XIRP2: variants seen among roughly 807,000 people sequenced by gnomAD.
The protein encoded by XIRP2 is xin actin-binding repeat-containing protein 2.
XIRP2 carries 236 observed loss-of-function variants against 277.0 expected under a neutral mutation model. The ratio of observed to expected loss-of-function variants is 0.85; its 90% CI spans 0.77 to 0.95. The LOEUF is 0.95. XIRP2 is among the 40% of genes least tolerant of loss of function. The probability of loss-of-function intolerance (pLI) is 0.00; values close to 1 mark genes in which losing one functional copy is unlikely to be tolerated. For synonymous variants in XIRP2, 1,490 were observed against 1,416.5 expected, an observed-to-expected ratio of 1.05 and a Z score of -1.17; for missense variants, 4,640 against 4,157.5, an observed-to-expected ratio of 1.12 and a Z score of -3.19.
At chr2:167,184,554 C>G (rs796836203) in intron 3 of XIRP2, 1 of 717,216 alleles carries the variant, frequency 1.4e-6, no homozygotes, top group Admixed American at 2.0e-5. Context: ...GTGTTCTCCA[C>G]GGACCAAGCC....
Position 167,249,114 on chromosome 2 carries a change from A to G in XIRP2, c.7722A>G (p.Gln2574=). The G allele has an allele frequency of 1.2e-6, 2 of 1,613,822 alleles. No homozygotes were observed. The highest frequency in any genetic ancestry group is 1.7e-6 in the Non-Finnish European group (2 of 1,179,822). Residue 2574 remains glutamine, a synonymous_variant, in exon 9 of 11, where the codon CAA becomes CAG. Transcript: ENST00000409195. ...CTTACTACAACATTGTTAAAACTCA[A>G]AGCCAAAATCAACACATAACAGAGG... The part of the protein sequence containing the change: ...ESSYYNIVKT[Q]SQNQHITEVE...
chr2:167,012,254 T>A lies in XIRP2; in HGVS notation c.408+108364T>A, dbSNP rs566186847. The stretch of plus-strand genomic sequence containing the variant: ...TGAATGTGTCCCAGAGATTCTGGTA[T>A]GTTGTGTCTTTGTTCTCATTGGTTT... On this transcript the variant is annotated intron_variant, in intron 2 of 10. Coordinates refer to ENST00000409195, the MANE Select transcript of XIRP2 (RefSeq NM_152381.6). Among the ~76,000 whole-genome samples the A allele has an allele frequency of 7.9e-5, 12 of 152,022 alleles. No individual in the cohort carries two copies. In the East Asian group the frequency reaches 1.9e-3, roughly 25 times the overall value.
chr2:167,241,360 T>G (rs1249798937), intron 7 of XIRP2, among the ~76,000 whole-genome samples: 2 of 152,214 alleles, frequency 1.3e-5, no homozygotes, highest in African/African-American at 2.4e-5. Flanking sequence ...TTTATACATT[T>G]TATTATTTTT....
At chr2:166,981,522 A>C (rs1207806433) in intron 2 of XIRP2, among the ~76,000 whole-genome samples, 1 of 151,900 alleles carries the variant, frequency 6.6e-6, no homozygotes, top group East Asian at 1.9e-4. Flanking sequence ...CCCGGGTTCA[A>C]GCAATTCTCC....
intron 2 of XIRP2, among the ~76,000 whole-genome samples, chr2:166,994,535 G>T (rs893845293): frequency 6.8e-6 from 1 of 146,482 alleles, no homozygotes; most frequent in Non-Finnish European, 1.5e-5. Context: ...TAATGTGTAG[G>T]TAAGGCTTCC....
chr2:166,975,648 G>A (rs10207648), intron 2 of XIRP2, among the ~76,000 whole-genome samples: 53,555 of 151,878 alleles, frequency 0.35, 10,702 homozygotes, highest in African/African-American at 0.54. Flanking sequence ...CATTGTGGCC[G>A]GGCGCGGTGG....
intron 1 of XIRP2, among the ~76,000 whole-genome samples, chr2:166,895,549 T>G (rs1359019702): frequency 6.6e-6 from 1 of 152,138 alleles, no homozygotes; most frequent in Admixed American, 6.6e-5. Flanking sequence ...TTTCCTCAAT[T>G]AGAAAGAAGG....
intron 3 of XIRP2, among the ~76,000 whole-genome samples, chr2:167,148,974 AT>A (rs1211210073): frequency 1.3e-5 from 2 of 152,118 alleles, no homozygotes; most frequent in Non-Finnish European, 2.9e-5. Flanking sequence ...TTGATTCAGG[AT>A]ACTAGGCCCT....
In XIRP2 at chr2:167,080,549, A is replaced by G. The variant is rs192829020; in HGVS notation, c.409-55360A>G. On this transcript the variant is annotated intron_variant, in intron 2 of 10. Coordinates refer to ENST00000409195, the MANE Select transcript of XIRP2 (RefSeq NM_152381.6). The stretch of plus-strand genomic sequence containing the variant: ...TAAAGATGGGCATGAAGTATATTCA[A>G]TTCCTCTCATCCCTAGGAGATTAAG... 3.4e-3 allele frequency among the ~76,000 whole-genome samples: 521 copies of G among 152,312 alleles called. 3 individuals carry two copies. The highest frequency in any genetic ancestry group is 4.1e-3 in the Non-Finnish European group (278 of 68,026).
At chr2:166,908,136 G>A (rs1440833981) in intron 2 of XIRP2, among the ~76,000 whole-genome samples, 2 of 152,104 alleles carry the variant, frequency 1.3e-5, no homozygotes, top group Non-Finnish European at 2.9e-5. Flanking sequence ...ACCCAATAAT[G>A]GGATGGCTGG....
intron 10 of XIRP2, among the ~76,000 whole-genome samples, chr2:167,255,402 A>T (rs530786325): frequency 6.6e-6 from 1 of 151,844 alleles, no homozygotes; most frequent in Non-Finnish European, 1.5e-5. Flanking sequence ...AATGACATTA[A>T]CATTAACTCA....
At chr2:166,954,862 A>G (rs887311770) in intron 2 of XIRP2, among the ~76,000 whole-genome samples, 6 of 151,876 alleles carry the variant, frequency 4.0e-5, no homozygotes, top group Admixed American at 6.6e-5. Flanking sequence ...GGAGTTGAAC[A>G]ATGAGAACAC....
intron 2 of XIRP2, among the ~76,000 whole-genome samples, chr2:166,907,160 G>C (rs1285589478): frequency 6.6e-6 from 1 of 152,140 alleles, no homozygotes; most frequent in Non-Finnish European, 1.5e-5. Context: ...GATTTAAACT[G>C]AATATTTTCA....
intron 3 of XIRP2, among the ~76,000 whole-genome samples, chr2:167,207,666 A>G (rs1315545135): frequency 6.6e-6 from 1 of 152,194 alleles, no homozygotes; most frequent in Non-Finnish European, 1.5e-5. Context: ...AAAAGCATAT[A>G]TGTTTGAGGC....
intron 2 of XIRP2, among the ~76,000 whole-genome samples, chr2:167,042,738 A>T (rs1688690229): frequency 6.6e-6 from 1 of 152,152 alleles, no homozygotes; most frequent in Non-Finnish European, 1.5e-5. Context: ...GAAGAGAGTT[A>T]GATAAACATA....
Position 167,110,528 on chromosome 2 carries a change from G to A in XIRP2, c.409-25381G>A, listed in dbSNP as rs151192856. Reference sequence around the variant, plus strand: ...TCTCTATTCTGTTCCATTAGTCTATGTGTCTGTCTGTTTTTGTACCAGTAG... The same window carrying A: ...TCTCTATTCTGTTCCATTAGTCTATATGTCTGTCTGTTTTTGTACCAGTAG... On this transcript the variant is annotated intron_variant, in intron 2 of 10. Transcript: ENST00000409195. Among the ~76,000 whole-genome samples, 489 of 152,178 alleles carry A rather than the reference G, an allele frequency of 3.2e-3. 5 individuals are homozygous for A. The highest frequency in any genetic ancestry group is 0.011 in the African/African-American group (465 of 41,552).
chr2:167,088,382 C>G (rs1690027512), intron 2 of XIRP2, among the ~76,000 whole-genome samples: 1 of 152,152 alleles, frequency 6.6e-6, no homozygotes, highest in Non-Finnish European at 1.5e-5. Context: ...TTCCACACCA[C>G]TGCCACTGAC....
Position 167,037,603 on chromosome 2 carries a change from T to C in XIRP2, c.409-98306T>C, listed in dbSNP as rs1407346154. ...TTAGCAGGAAATTTTTTGCTGCTGA[T>C]TTAAATCTAATTGAAGTATTTTGGA... is the stretch of plus-strand genomic sequence containing the variant. On this transcript the variant is annotated intron_variant, in intron 2 of 10. Transcript: ENST00000409195. 2.0e-5 allele frequency among the ~76,000 whole-genome samples: 3 copies of C among 151,716 alleles called. No homozygotes were observed. In the East Asian group the frequency reaches 5.8e-4, roughly 29 times the overall value.
At chr2:166,929,623 T>C (rs1685275541) in intron 2 of XIRP2, among the ~76,000 whole-genome samples, 1 of 152,156 alleles carries the variant, frequency 6.6e-6, no homozygotes, top group African/African-American at 2.4e-5. Context: ...ACTTATTTCT[T>C]AAAGGGTCAG....
Sources: gnomAD v4.1 joint callset for allele counts (sites outside exome capture counted in the v4.1 genomes callset) on GRCh38, gnomAD v4.1.1 for gene constraint, MANE v1.5 for transcripts, NCBI Gene and HGNC (gene_info 2026-07-23, HGNC 2026-07-21) for gene names.